The following WDR72 variants were observed in gnomAD, a reference collection of about 807,000 sequenced individuals.
WDR72 encodes WD repeat domain 72, also known as WD repeat-containing protein 72.
WDR72 carries 120 observed loss-of-function variants against 124.2 expected under a neutral mutation model. The ratio of observed to expected loss-of-function variants is 0.97; its 90% CI spans 0.83 to 1.12. The LOEUF (loss-of-function observed/expected upper bound fraction) is 1.12, where lower values mean the gene tolerates loss of function less well. Among genes scored for constraint, WDR72 ranks in the 50% most tolerant of loss-of-function variants. The pLI, the probability that WDR72 is intolerant of heterozygous loss-of-function variation, is 0.00. For synonymous variants in WDR72, 452 were observed against 441.7 expected (o/e 1.02, Z -0.29); for missense variants, 1,387 against 1,278.8 (o/e 1.08, Z -1.29).
At chr15:53,692,125 C>T (rs768451650) in intron 13 of WDR72, among the ~76,000 whole-genome samples, 6 of 152,280 alleles carry the variant, frequency 3.9e-5, no homozygotes, top group Non-Finnish European at 8.8e-5. Context: ...GGGAACAAGT[C>T]ATAAAACTCT....
chr15:53,660,073 C>T (rs925184768), intron 14 of WDR72, among the ~76,000 whole-genome samples: 1 of 151,096 alleles, frequency 6.6e-6, no homozygotes, highest in African/African-American at 2.4e-5. Flanking sequence ...GAATATTTTC[C>T]ACACTAGAAA....
chr15:53,523,357 AAG>A (rs757796587), intron 18 of WDR72, 35 bp from the exon 19 acceptor site: 2 of 1,592,748 alleles, frequency 1.3e-6, no homozygotes, highest in Admixed American at 3.3e-5. Flanking sequence ...AGAGAGACAG[AAG>A]AGAGAGGATG....
At chr15:53,653,522 A>G (rs1038619717) in intron 14 of WDR72, among the ~76,000 whole-genome samples, 1 of 152,212 alleles carries the variant, frequency 6.6e-6, no homozygotes, top group African/African-American at 2.4e-5. Context: ...TTCTTTAATG[A>G]GGCCAAATAG....
chr15:53,521,332 G>T (rs1891782079), intron 19 of WDR72, among the ~76,000 whole-genome samples: 1 of 151,950 alleles, frequency 6.6e-6, no homozygotes, highest in Non-Finnish European at 1.5e-5. Flanking sequence ...AGCAATTCTT[G>T]GAGAAATACG....
intron 19 of WDR72, among the ~76,000 whole-genome samples, chr15:53,522,835 C>A (rs1891876801): frequency 6.6e-6 from 1 of 152,014 alleles, no homozygotes. Flanking sequence ...ATGACAGTTT[C>A]TCTTTTCACC....
At chr15:53,579,069 G>T (rs1335350392) in intron 18 of WDR72, among the ~76,000 whole-genome samples, 1 of 152,112 alleles carries the variant, frequency 6.6e-6, no homozygotes, top group Non-Finnish European at 1.5e-5. Flanking sequence ...TCCTGATGAG[G>T]AAGGCCTGCT....
intron 13 of WDR72, among the ~76,000 whole-genome samples, chr15:53,681,952 G>A (rs1409752367): frequency 1.3e-5 from 2 of 151,960 alleles, no homozygotes; most frequent in African/African-American, 4.8e-5. Context: ...ATATAGAAAT[G>A]TTTATATAAA....
intron 18 of WDR72, among the ~76,000 whole-genome samples, chr15:53,588,085 C>T (rs556582033): frequency 6.6e-6 from 1 of 152,108 alleles, no homozygotes; most frequent in South Asian, 2.1e-4. Flanking sequence ...AACCATCATC[C>T]TTATAATCAC....
intron 14 of WDR72, among the ~76,000 whole-genome samples, chr15:53,665,101 T>G (rs1248512990): frequency 6.6e-6 from 1 of 152,178 alleles, no homozygotes; most frequent in African/African-American, 2.4e-5. Flanking sequence ...ACTCCATCAC[T>G]GTGTATTCAC....
At chr15:53,563,358 C>G (rs1382984824) in intron 18 of WDR72, among the ~76,000 whole-genome samples, 2 of 151,776 alleles carry the variant, frequency 1.3e-5, no homozygotes, top group African/African-American at 2.4e-5. Flanking sequence ...AAACTAATTT[C>G]ATCTTTCACT....
chr15:53,543,681 G>C (rs78065243), intron 18 of WDR72, among the ~76,000 whole-genome samples: 26,250 of 151,016 alleles, frequency 0.17, 2,587 homozygotes, highest in Middle Eastern at 0.24. Context: ...ACAAAAAACC[G>C]TTCAAAAAAT....
intron 18 of WDR72, among the ~76,000 whole-genome samples, chr15:53,562,004 G>A (rs896270127): frequency 6.6e-6 from 1 of 151,708 alleles, no homozygotes; most frequent in Non-Finnish European, 1.5e-5. Flanking sequence ...GTTATATTAA[G>A]AACAAGAAAC....
intron 18 of WDR72, among the ~76,000 whole-genome samples, chr15:53,552,066 G>T (rs1474930873): frequency 1.3e-5 from 2 of 152,052 alleles, no homozygotes; most frequent in Non-Finnish European, 2.9e-5. Context: ...GGAATGCCTT[G>T]CAAGTGTCAC....
intron 14 of WDR72, among the ~76,000 whole-genome samples, chr15:53,645,059 A>G (rs1382883579): frequency 6.6e-6 from 1 of 152,156 alleles, no homozygotes; most frequent in African/African-American, 2.4e-5. Context: ...TCTTTCAGCA[A>G]TGACTTTACT....
rs1409138781 is a variant in WDR72 at position 53,722,855 on chromosome 15, T to C, written c.207A>G (p.Ala69=). 1.9e-6 allele frequency: 3 copies of C among 1,612,668 alleles called. No homozygotes were observed. Among genetic ancestry groups the C allele is most frequent in the Non-Finnish European group, 2.5e-6 (3 of 1,180,018 alleles). ...GCTGTTTAGAGAAGTCCCTTGCTCT[T>C]GCCAAACATGTTACCGAAGCTGAAT... ...FGHSASVTCL[A]RARDFSKQPY... Residue 69 remains alanine, a synonymous_variant, in exon 3 of 20, where the codon GCA becomes GCG. Transcript: ENST00000360509.
At chr15:53,545,991 A>G (rs915448598) in intron 18 of WDR72, among the ~76,000 whole-genome samples, 10 of 133,016 alleles carry the variant, frequency 7.5e-5, no homozygotes, top group Admixed American at 2.3e-4. Flanking sequence ...TTAGAATGGC[A>G]ATCATTAAAA....
At position 53,596,523 on chromosome 15, in the gene WDR72, A is replaced by G. The variant is rs144056231; in HGVS notation, c.3148+556T>C. ...TGTTGCCCAGAAAAGGAAAACTGGT[A>G]CATGACTTTTATCAAGGTACAAAGT... On this transcript the variant is annotated intron_variant, in intron 18 of 19. Transcript: ENST00000360509. Among the ~76,000 whole-genome samples, 404 of 152,300 alleles carry G rather than the reference A, an allele frequency of 2.7e-3. 3 individuals carry two copies. The highest frequency in any genetic ancestry group is 0.026 in the South Asian group (127 of 4,828).
intron 18 of WDR72, among the ~76,000 whole-genome samples, chr15:53,586,812 G>C (rs2012236329): frequency 6.6e-6 from 1 of 152,006 alleles, no homozygotes; most frequent in African/African-American, 2.4e-5. Context: ...AATACCTAAA[G>C]GGTACACAAG....
chr15:53,714,820 A>AC (rs1374467376), intron 5 of WDR72, among the ~76,000 whole-genome samples: 9 of 152,170 alleles, frequency 5.9e-5, no homozygotes, highest in African/African-American at 1.9e-4. Context: ...CTTTGCAGTC[A>AC]CTCATTACAG....
Sources: allele counts gnomAD v4.1 joint callset (sites outside exome capture counted in the v4.1 genomes callset), GRCh38; gene constraint gnomAD v4.1.1; transcripts MANE v1.5; gene names NCBI Gene and HGNC (gene_info 2026-07-23, HGNC 2026-07-21).